Variants in CACNA1A observed in about 807,000 individuals in gnomAD.
CACNA1A encodes voltage-dependent P/Q-type calcium channel subunit alpha-1A.
CACNA1A carries 57 observed loss-of-function variants against 262.4 expected under a neutral mutation model. That is an observed-to-expected ratio of 0.22 (90% CI 0.18 to 0.27). CACNA1A has a LOEUF of 0.27. Ranked by LOEUF, CACNA1A falls within the 10% of genes least tolerant of loss-of-function variation. The probability of loss-of-function intolerance (pLI) is 1.00; values close to 1 mark genes in which losing one functional copy is unlikely to be tolerated. For missense variants in CACNA1A, 2,526 were observed against 3,562.8 expected (o/e 0.71, Z 7.41); for synonymous variants, 1,431 against 1,419.3 (o/e 1.01, Z -0.18).
At position 13,241,522 on chromosome 19, in the gene CACNA1A, G is replaced by T; in HGVS notation, c.4950+3660C>A. On this transcript the variant is annotated intron_variant, in intron 31 of 46. Coordinates refer to ENST00000360228, the MANE Select transcript of CACNA1A (RefSeq NM_001127222.2). The surrounding 1 kb of genome is among the most constrained non-coding windows in gnomAD (Gnocchi z 4.0). The stretch of plus-strand genomic sequence containing the variant: ...ACTTCAGAAAGAAGTAAGACCAACC[G>T]GATTCTAGATGCAGATGTTGAAGAT... 1 of 1,280,590 alleles carries T rather than the reference G, an allele frequency of 7.8e-7. No homozygotes were observed. The highest frequency in any genetic ancestry group is 1.0e-6 in the Non-Finnish European group (1 of 959,374). The allele number at this position is 1,280,590 out of a possible 1,614,324, so 79.3% of individuals were successfully genotyped here.
chr19:13,210,595 G>A (rs991329690), intron 44 of CACNA1A, 22 bp downstream of exon 44: 29 of 1,557,098 alleles, frequency 1.9e-5, no homozygotes, highest in South Asian at 4.7e-5. Context: ...CCTGCTGGGC[G>A]CTGGGCAGGC....
intron 10 of CACNA1A, among the ~76,000 whole-genome samples, chr19:13,320,401 T>G (rs1177914755): frequency 1.3e-5 from 2 of 152,114 alleles, no homozygotes; most frequent in Admixed American, 1.3e-4. Flanking sequence ...CAACCACACT[T>G]CCTACCTCAA....
intron 8 of CACNA1A, 136 bp downstream of exon 8, chr19:13,334,242 T>G: frequency 3.3e-6 from 2 of 603,428 alleles, no homozygotes; most frequent in East Asian, 5.5e-5. Flanking sequence ...TGATAAAATT[T>G]GGGACTACCA....
At chr19:13,468,050 G>C (rs1030868026) in intron 1 of CACNA1A, among the ~76,000 whole-genome samples, 4 of 151,774 alleles carry the variant, frequency 2.6e-5, no homozygotes, top group Non-Finnish European at 5.9e-5. Flanking sequence ...GGGCCAAAAA[G>C]TTTAAACATG....
Position 13,212,593 on chromosome 19 carries a change from C to T in CACNA1A, c.6050+38G>A. The T allele has an allele frequency of 1.3e-6, 2 of 1,507,262 alleles. No individual in the cohort carries two copies. Among genetic ancestry groups the T allele is most frequent in the Non-Finnish European group, 8.9e-7 (1 of 1,120,474 alleles). The allele number at this position is 1,507,262 out of a possible 1,614,324, so 93.4% of individuals were successfully genotyped here. On this transcript the variant is annotated intron_variant, in intron 41 of 46. Transcript: ENST00000360228. This position sits in a 1 kb window ranked among gnomAD's most constrained non-coding sequence, Gnocchi z 5.6. ...CTTCCAGAACGTGGGGACCACGGCA[C>T]CCCCACACTCCACCTCCCTGGCAGG...
intron 44 of CACNA1A, 76 bp from the exon 45 acceptor site, chr19:13,209,574 T>G: frequency 2.7e-6 from 3 of 1,129,616 alleles, no homozygotes; most frequent in Non-Finnish European, 3.4e-6. Context: ...TGCCCCATTG[T>G]GGCAGCCTGG....
intron 3 of CACNA1A, among the ~76,000 whole-genome samples, chr19:13,413,968 G>C (rs2144753158): frequency 6.7e-6 from 1 of 149,950 alleles, no homozygotes; most frequent in East Asian, 2.0e-4. Flanking sequence ...GGAAGGGAAA[G>C]GAAATAAAAG....
intron 3 of CACNA1A, among the ~76,000 whole-genome samples, chr19:13,442,723 A>G (rs1275322669): frequency 3.9e-5 from 6 of 152,182 alleles, no homozygotes; most frequent in Non-Finnish European, 7.3e-5. Flanking sequence ...CTGACTCTGA[A>G]GTCCAGGTCT....
At chr19:13,407,984 T>C (rs1411834453) in intron 3 of CACNA1A, among the ~76,000 whole-genome samples, 1 of 152,134 alleles carries the variant, frequency 6.6e-6, no homozygotes, top group East Asian at 1.9e-4. Flanking sequence ...CCTCACTCTC[T>C]CTCTCCTGCC....
At chr19:13,210,236 C>G (rs906989005) in intron 44 of CACNA1A, among the ~76,000 whole-genome samples, 1 of 152,204 alleles carries the variant, frequency 6.6e-6, no homozygotes, top group Non-Finnish European at 1.5e-5. Context: ...GGGTCCAGCC[C>G]AGCTGAGCGC....
intron 30 of CACNA1A, among the ~76,000 whole-genome samples, chr19:13,248,894 C>T (rs2056323809): frequency 6.6e-6 from 1 of 152,004 alleles, no homozygotes. Flanking sequence ...CCTCCCACCT[C>T]ACCAAACCAA....
At chr19:13,243,130 A>G (rs2056125541) in intron 31 of CACNA1A, among the ~76,000 whole-genome samples, 1 of 152,192 alleles carries the variant, frequency 6.6e-6, no homozygotes, top group Non-Finnish European at 1.5e-5. Context: ...GGATGGCAAG[A>G]TATTTTGATT....
chr19:13,424,621 C>T (rs1389390050), intron 3 of CACNA1A, among the ~76,000 whole-genome samples: 3 of 151,426 alleles, frequency 2.0e-5, no homozygotes, highest in African/African-American at 7.3e-5. Context: ...ATGCCTGCAC[C>T]ATCATGCACA....
chr19:13,303,168 T>C (rs2057821967), intron 17 of CACNA1A, among the ~76,000 whole-genome samples: 1 of 152,154 alleles, frequency 6.6e-6, no homozygotes, highest in Admixed American at 6.5e-5. Context: ...CCCTTTTTCC[T>C]TGGCCCCAGC....
chr19:13,413,798 T>C (rs2060162862), intron 3 of CACNA1A, among the ~76,000 whole-genome samples: 1 of 150,800 alleles, frequency 6.6e-6, no homozygotes, highest in African/African-American at 2.4e-5. Context: ...GGAGAATTGC[T>C]TGAACCCAGG....
In CACNA1A at chr19:13,214,320, G is replaced by A. The variant is rs534218994; in HGVS notation, c.5853C>T (p.Thr1951=). Residue 1951 remains threonine, a synonymous_variant, in exon 40 of 47, where the codon ACC becomes ACT. Coordinates refer to ENST00000360228, the MANE Select transcript of CACNA1A (RefSeq NM_001127222.2). The surrounding 1 kb of genome is among the most constrained non-coding windows in gnomAD (Gnocchi z 4.1). ...LVTPHKSTDL[T]VGKIYAAMMI... is the part of the protein sequence containing the mutation. ...TCATGGCTGCGTAGATCTTCCCCAC[G>A]GTGAGGTCCGTGGCTGGGGGCACAC... 1.2e-5 allele frequency: 20 copies of A among 1,612,696 alleles called. No individual in the cohort carries two copies. The East Asian group carries it at 2.7e-4, about 22-fold the overall frequency.
intron 25 of CACNA1A, 67 bp downstream of exon 25, chr19:13,262,667 C>A: frequency 1.0e-6 from 1 of 958,342 alleles, no homozygotes; most frequent in Non-Finnish European, 1.7e-6. Context: ...CAGTGTACAA[C>A]CTGCTCAGCT....
chr19:13,402,791 TATATACACAC>T (rs2059922033), intron 3 of CACNA1A, among the ~76,000 whole-genome samples: 1 of 125,832 alleles, frequency 7.9e-6, no homozygotes, highest in South Asian at 2.8e-4. Context: ...TATATATACA[TATATACACAC>T]ATATATATAT....
chr19:13,330,220 T>C lies in CACNA1A; in HGVS notation c.1345+24A>G, dbSNP rs201579859. The C allele has an allele frequency of 8.0e-6, 12 of 1,498,716 alleles. No individual in the cohort carries two copies. The African/African-American group carries it at 1.1e-4, about 14-fold the overall frequency. 92.8% of individuals were successfully genotyped at this position (1,498,716 alleles called of 1,614,324 possible). On this transcript the variant is annotated intron_variant, in intron 10 of 46. Coordinates refer to ENST00000360228, the MANE Select transcript of CACNA1A (RefSeq NM_001127222.2). ...TGGGCGATAGGTGATGAACAACTGA[T>C]AGGTGGCAGAGGAAGGGACTCACCC... is the stretch of plus-strand genomic sequence containing the variant.
Sources: allele counts gnomAD v4.1 joint callset (sites outside exome capture counted in the v4.1 genomes callset), GRCh38; gene constraint gnomAD v4.1.1; non-coding constraint Gnocchi (gnomAD v3.1); transcripts MANE v1.5; gene names NCBI Gene and HGNC (gene_info 2026-07-23, HGNC 2026-07-21).